Variants in ATM observed in about 807,000 individuals in gnomAD.
ATM encodes ATM serine/threonine kinase, also known as serine-protein kinase ATM.
ATM carries 308 observed loss-of-function variants against 387.0 expected under a neutral mutation model. That is an observed-to-expected ratio of 0.80 (90% confidence interval 0.73 to 0.87). ATM has a LOEUF of 0.87. Ranked by LOEUF, ATM falls within the 40% of genes least tolerant of loss-of-function variation. ATM has a pLI of 0.00. For synonymous variants in ATM, 1,156 were observed against 1,187.3 expected (o/e 0.97, Z 0.54); for missense variants, 3,312 against 3,560.9 (o/e 0.93, Z 1.78).
At chr11:108,278,229 T>C (rs2082049066) in intron 22 of ATM, among the ~76,000 whole-genome samples, 1 of 152,252 alleles carries the variant, frequency 6.6e-6, no homozygotes, top group African/African-American at 2.4e-5. Context: ...TGTGTCTAAC[T>C]CCTCAGGTTT....
At chr11:108,262,618 A>G (rs1483203472) in intron 16 of ATM, among the ~76,000 whole-genome samples, 1 of 152,210 alleles carries the variant, frequency 6.6e-6, no homozygotes, top group Non-Finnish European at 1.5e-5. Context: ...GACAGGATCA[A>G]ATTCACACAT....
At chr11:108,321,697 T>C (rs2085238361) in intron 45 of ATM, among the ~76,000 whole-genome samples, 1 of 151,724 alleles carries the variant, frequency 6.6e-6, no homozygotes, top group Non-Finnish European at 1.5e-5. Flanking sequence ...GCAGGAAAAT[T>C]GCTTGAACCC....
chr11:108,297,453 T>TAAAAATACA, intron 33 of ATM, 71 bp downstream of exon 33: 1 of 1,246,696 alleles, frequency 8.0e-7, no homozygotes, highest in Non-Finnish European at 1.2e-6. Flanking sequence ...ATTATAATAC[T>TAAAAATACA]GTATTTTTAC....
intron 43 of ATM, 131 bp downstream of exon 43, chr11:108,317,652 T>TATATATATATATATATATATATAC (rs1399501257): frequency 8.5e-6 from 1 of 117,468 alleles, no homozygotes; most frequent in Non-Finnish European, 1.4e-5. Flanking sequence ...TATATATATA[T>TATATATATATATATATATATATAC]ACACACACAC....
intron 61 of ATM, among the ~76,000 whole-genome samples, chr11:108,358,076 T>C (rs1250278659): frequency 1.3e-5 from 2 of 148,790 alleles, no homozygotes; most frequent in Admixed American, 6.7e-5. Flanking sequence ...ATAACTAGAA[T>C]AACCAATACA....
intron 6 of ATM, among the ~76,000 whole-genome samples, chr11:108,244,475 G>GCAGTACT (rs2079731484): frequency 6.6e-6 from 1 of 151,944 alleles, no homozygotes; most frequent in Admixed American, 6.6e-5. Flanking sequence ...CATTAGTATG[G>GCAGTACT]CAGTACTCAA....
rs4987935 is a variant in ATM at position 108,248,876 on chromosome 11, G to A, written c.1066-57G>A. ...CCACTCCAACCTGGGCAACAACAGC[G>A]AAACTCTGGCTCAAAAAAAAAAAAA... On this transcript the variant is annotated intron_variant, in intron 8 of 62. Coordinates refer to ENST00000675843, the MANE Select transcript of ATM (RefSeq NM_000051.4). The A allele has an allele frequency of 1.7e-3, 2,456 of 1,449,056 alleles. 41 individuals carry two copies. In the African/African-American group the frequency reaches 0.031, roughly 19 times the overall value. The allele number at this position is 1,449,056 out of a possible 1,614,324, so 89.8% of individuals were successfully genotyped here.
Position 108,278,039 on chromosome 11 carries a change from C to T in ATM, c.3285-1452C>T, listed in dbSNP as rs545785595. 7.2e-4 allele frequency among the ~76,000 whole-genome samples: 109 copies of T among 151,938 alleles called. 1 individual carries two copies. The highest frequency in any genetic ancestry group is 2.5e-3 in the African/African-American group (103 of 41,442). ...AACTGTTTTAAAATAAATGAATGTA[C>T]TTGAAAAAAAATTACATGATGCTTC... On this transcript the variant is annotated intron_variant, in intron 22 of 62. Transcript: ENST00000675843.
At chr11:108,308,041 A>G (rs1195617507) in intron 38 of ATM, 57 bp downstream of exon 38, 5 of 1,470,644 alleles carry the variant, frequency 3.4e-6, no homozygotes, top group Middle Eastern at 1.7e-4. Flanking sequence ...CTTGTTAACT[A>G]TCGGCTGAAT....
At chr11:108,261,337 A>G (rs906709218) in intron 16 of ATM, among the ~76,000 whole-genome samples, 363 of 152,264 alleles carry the variant, frequency 2.4e-3, no homozygotes, top group African/African-American at 8.2e-3. Flanking sequence ...TGACCCCCGA[A>G]CAGCCTAACT....
intron 25 of ATM, among the ~76,000 whole-genome samples, chr11:108,283,973 G>A (rs1342312422): frequency 1.3e-5 from 2 of 151,964 alleles, no homozygotes; most frequent in Admixed American, 6.6e-5. Flanking sequence ...TGCTAAGGGT[G>A]CTACTGAACA....
In ATM at chr11:108,317,348, TAAAAA is replaced by T; in HGVS notation, c.6199-24_6199-20del. 6.2e-7 allele frequency: 1 copy of T among 1,605,750 alleles called. No individual in the cohort carries two copies. Among genetic ancestry groups the T allele is most frequent in the South Asian group, 1.1e-5 (1 of 90,924 alleles). ...TGTTGATATCTTTGATTACTTAACT[TAAAAA>T]CAAAATAACTCCTGTTTAGGCCTTG... On this transcript the variant is annotated intron_variant, in intron 42 of 62. Coordinates refer to ENST00000675843, the MANE Select transcript of ATM (RefSeq NM_000051.4).
chr11:108,363,066 A>G (rs2090978901), intron 61 of ATM, among the ~76,000 whole-genome samples: 2 of 152,188 alleles, frequency 1.3e-5, no homozygotes, highest in Non-Finnish European at 2.9e-5. Context: ...ATCTGTCCGA[A>G]TTTCCCCAAA....
intron 3 of ATM, 66 bp downstream of exon 3, chr11:108,227,954 T>A: frequency 1.5e-6 from 2 of 1,367,708 alleles, no homozygotes. Context: ...TGTTGTGATA[T>A]TACTTTTGTG....
At chr11:108,227,124 C>G (rs1241528147) in intron 1 of ATM, 1 of 156,602 alleles carries the variant, frequency 6.4e-6, no homozygotes, top group African/African-American at 2.4e-5. Context: ...AAGCGATTCT[C>G]CTGCCTCAGC....
At position 108,277,976 on chromosome 11, in the gene ATM, C is replaced by T. The variant is rs1429644527; in HGVS notation, c.3285-1515C>T. The stretch of plus-strand genomic sequence containing the variant: ...GTTCTGTTCATTGTTGTATTTTTAG[C>T]ACCTAAAACAATACTTGGCATGTGA... On this transcript the variant is annotated intron_variant, in intron 22 of 62. Coordinates refer to ENST00000675843, the MANE Select transcript of ATM (RefSeq NM_000051.4). 5.3e-5 allele frequency among the ~76,000 whole-genome samples: 8 copies of T among 151,956 alleles called. No individual in the cohort carries two copies. The South Asian group carries it at 1.7e-3, about 31-fold the overall frequency.
intron 60 of ATM, among the ~76,000 whole-genome samples, chr11:108,354,610 G>A (rs368496405): frequency 7.2e-5 from 11 of 152,284 alleles, no homozygotes; most frequent in African/African-American, 1.9e-4. Context: ...CCAAGCTTGT[G>A]AAATAGTCAA....
At chr11:108,229,128 T>C (rs1268064337) in intron 3 of ATM, 50 bp from the exon 4 acceptor site, 5 of 1,558,650 alleles carry the variant, frequency 3.2e-6, no homozygotes, top group Non-Finnish European at 4.4e-6. Flanking sequence ...GAAATTATTA[T>C]AATTTAAGTA....
In ATM at chr11:108,347,290, C is replaced by G. The variant is rs368666328; in HGVS notation, c.8596C>G (p.Leu2866Val). ...TCTTTTTTCTCCAGTTGGTTACATA[C>G]TTGGACTTGGTGATAGACATGTACA... ...VATSSIVGYI[L>V]GLGDRHVQNI... The change falls in exon 59 of 63, where the codon CTT (leucine) becomes GTT (valine). Residue 2866 changes from leucine (L) to valine (V), a missense_variant. Physicochemically the swap from Leu to Val is conservative, Grantham distance 32. This residue lies in a region of ATM where 1,405 missense variants were observed against 1,604.4 expected (regional missense o/e 0.88). Coordinates refer to ENST00000675843, the MANE Select transcript of ATM (RefSeq NM_000051.4). 2.5e-6 allele frequency: 4 copies of G among 1,609,096 alleles called. No individual in the cohort carries two copies. Among genetic ancestry groups the G allele is most frequent in the Non-Finnish European group, 3.4e-6 (4 of 1,175,830 alleles).
Sources: allele counts gnomAD v4.1 joint callset (sites outside exome capture counted in the v4.1 genomes callset), GRCh38; gene constraint gnomAD v4.1.1; regional missense constraint gnomAD v4.1.1; transcripts MANE v1.5; gene names NCBI Gene and HGNC (gene_info 2026-07-23, HGNC 2026-07-21).